KIAA0319: variants seen among roughly 807,000 people sequenced by gnomAD.
KIAA0319 encodes KIAA0319.
KIAA0319 carries 83 observed loss-of-function variants against 108.4 expected under a neutral mutation model. That is an observed-to-expected ratio of 0.77 (90% CI 0.64 to 0.92). KIAA0319 has a LOEUF of 0.92. Ranked by LOEUF, KIAA0319 falls within the 40% of genes least tolerant of loss-of-function variation. The pLI, the probability that KIAA0319 is intolerant of heterozygous loss-of-function variation, is 0.00. For missense variants in KIAA0319, 1,195 were observed against 1,322.4 expected, an observed-to-expected ratio of 0.90 and a Z score of 1.49; for synonymous variants, 484 against 510.4, an observed-to-expected ratio of 0.95 and a Z score of 0.70.
intron 13 of KIAA0319, among the ~76,000 whole-genome samples, chr6:24,567,478 G>A (rs1015841835): frequency 1.2e-4 from 18 of 152,188 alleles, no homozygotes; most frequent in Admixed American, 3.3e-4. Context: ...AAGGCAGGAT[G>A]AGTGCTTGAA....
intron 1 of KIAA0319, among the ~76,000 whole-genome samples, chr6:24,603,332 A>G (rs1770920429): frequency 6.6e-6 from 1 of 152,220 alleles, no homozygotes. Flanking sequence ...GGCAGTCTGG[A>G]CTTGGATCTG....
chr6:24,635,432 C>A (rs754684097), intron 1 of KIAA0319, among the ~76,000 whole-genome samples: 5 of 152,094 alleles, frequency 3.3e-5, no homozygotes, highest in Non-Finnish European at 7.4e-5. Context: ...TAGGACTCAG[C>A]TTTTGGCTTA....
chr6:24,636,760 T>C (rs1272949352), intron 1 of KIAA0319, among the ~76,000 whole-genome samples: 1 of 152,252 alleles, frequency 6.6e-6, no homozygotes, highest in Non-Finnish European at 1.5e-5. Context: ...AAGTTCATCT[T>C]GTTTATGCTC....
chr6:24,595,570 A>AAAAAAAG (rs1769410446), intron 3 of KIAA0319, among the ~76,000 whole-genome samples: 3 of 150,728 alleles, frequency 2.0e-5, no homozygotes, highest in Non-Finnish European at 4.4e-5. Flanking sequence ...AAAAAAAAAA[A>AAAAAAAG]CGCTACAGGC....
intron 6 of KIAA0319, among the ~76,000 whole-genome samples, chr6:24,581,425 G>A (rs537793943): frequency 2.2e-4 from 34 of 152,282 alleles, no homozygotes; most frequent in African/African-American, 7.7e-4. Flanking sequence ...TTAGCTGTGT[G>A]GTCCCAGGAG....
In KIAA0319 at chr6:24,596,052, C is replaced by G; in HGVS notation, c.622G>C (p.Glu208Gln). 6.2e-7 allele frequency: 1 copy of G among 1,614,076 alleles called. No homozygotes were observed. Among genetic ancestry groups the G allele is most frequent in the South Asian group, 1.1e-5 (1 of 91,074 alleles). The stretch of plus-strand genomic sequence containing the variant: ...TGGAGCTCAGGGTCCTGCTGCGTCT[C>G]CGCTGGCACCGCAGGACTGTCTCCA... ...SVGDSPAVPA[E>Q]TQQDPELHYL... is the part of the protein sequence containing the mutation. Residue 208 changes from glutamate (E) to glutamine (Q), a missense_variant, in exon 3 of 21, where the codon GAG becomes CAG. Glu to Gln is a conservative substitution (Grantham distance 29, BLOSUM62 2). Coordinates refer to ENST00000378214, the MANE Select transcript of KIAA0319 (RefSeq NM_014809.4).
At chr6:24,598,360 T>G (rs1219786445) in intron 2 of KIAA0319, 2 of 652,388 alleles carry the variant, frequency 3.1e-6, no homozygotes, top group Non-Finnish European at 5.7e-6. Flanking sequence ...CAACAAGGTA[T>G]GGTTCCTGGA....
At position 24,573,775 on chromosome 6, in the gene KIAA0319, A is replaced by AT. The variant is rs915916803; in HGVS notation, c.1735-1078dup. ...AATTTATTTGAGCTTTTTTATTATT[A>AT]TTTTTTTTAACCACAAGAGGCAATT... is the stretch of plus-strand genomic sequence containing the variant. On this transcript the variant is annotated intron_variant, in intron 10 of 20. Transcript: ENST00000378214. 1.5e-3 allele frequency among the ~76,000 whole-genome samples: 220 copies of AT among 151,644 alleles called. 1 individual carries two copies. Among genetic ancestry groups the AT allele is most frequent in the African/African-American group, 5.0e-3 (206 of 41,084 alleles).
At chr6:24,624,203 GTT>G (rs35622777) in intron 1 of KIAA0319, among the ~76,000 whole-genome samples, 123 of 92,820 alleles carry the variant, frequency 1.3e-3, no homozygotes, top group Middle Eastern at 6.1e-3. Flanking sequence ...TTTTGGGGTT[GTT>G]TTTTTTTTTT....
At chr6:24,598,076 G>T (rs1770008960) in intron 2 of KIAA0319, 3 of 406,294 alleles carry the variant, frequency 7.4e-6, no homozygotes, top group South Asian at 2.3e-5. Flanking sequence ...GCCTTCAGCA[G>T]CCACTCCTAC....
intron 1 of KIAA0319, among the ~76,000 whole-genome samples, chr6:24,630,683 G>GTATATATATATA (rs563881076): frequency 4.0e-4 from 40 of 100,690 alleles, no homozygotes; most frequent in African/African-American, 1.1e-3. Context: ...GTGTATATGT[G>GTATATATATATA]TATATATATA....
At chr6:24,554,451 G>A (rs142184031) in intron 19 of KIAA0319, 90 bp downstream of exon 19, 2 of 896,612 alleles carry the variant, frequency 2.2e-6, no homozygotes, top group Non-Finnish European at 3.7e-6. Context: ...ACAGCTTAGT[G>A]GTTTAACAAG....
intron 2 of KIAA0319, chr6:24,600,811 T>C (rs1188906817): frequency 6.7e-6 from 5 of 748,586 alleles, no homozygotes; most frequent in Non-Finnish European, 1.1e-5. Flanking sequence ...AAAGTTTTCC[T>C]AGTATATATG....
chr6:24,629,720 T>G (rs976432020), intron 1 of KIAA0319, among the ~76,000 whole-genome samples: 2 of 152,020 alleles, frequency 1.3e-5, no homozygotes, highest in African/African-American at 4.8e-5. Flanking sequence ...GCTTTAGATC[T>G]GAGATAAAAT....
chr6:24,632,020 A>G (rs1208039968), intron 1 of KIAA0319, among the ~76,000 whole-genome samples: 1 of 152,248 alleles, frequency 6.6e-6, no homozygotes, highest in Non-Finnish European at 1.5e-5. Context: ...CCATCTTTCA[A>G]TTCTTATCAG....
chr6:24,569,680 C>T (rs1202060391), intron 12 of KIAA0319, among the ~76,000 whole-genome samples: 2 of 152,168 alleles, frequency 1.3e-5, no homozygotes, highest in Non-Finnish European at 2.9e-5. Context: ...ACCAAGACAG[C>T]CCTGTTCAAC....
intron 1 of KIAA0319, among the ~76,000 whole-genome samples, chr6:24,603,644 T>C (rs1285290441): frequency 2.0e-5 from 3 of 151,986 alleles, no homozygotes; most frequent in Non-Finnish European, 4.4e-5. Context: ...AATGTGTAAG[T>C]GTTGTAGGGA....
rs2073687550 is a variant in KIAA0319 at position 24,599,675 on chromosome 6, C to T, written c.55+1374G>A. The T allele has an allele frequency of 6.6e-6, 4 of 609,896 alleles. No individual in the cohort carries two copies. Among genetic ancestry groups the T allele is most frequent in the South Asian group, 1.6e-5 (1 of 63,628 alleles). 37.8% of individuals were successfully genotyped at this position (609,896 alleles called of 1,614,324 possible). Reference sequence around the variant, plus strand: ...GCCTGGGCTCCAGCTTTGGCTCTGGCGGGTGCTCCAGCTCCTTCAGCAGCA... The same window carrying T: ...GCCTGGGCTCCAGCTTTGGCTCTGGTGGGTGCTCCAGCTCCTTCAGCAGCA... On this transcript the variant is annotated intron_variant, in intron 2 of 20. Transcript: ENST00000378214. The surrounding 1 kb of genome is among the most constrained non-coding windows in gnomAD (Gnocchi z 4.1).
At chr6:24,620,765 A>G (rs1012723978) in intron 1 of KIAA0319, among the ~76,000 whole-genome samples, 4 of 152,194 alleles carry the variant, frequency 2.6e-5, no homozygotes, top group African/African-American at 9.6e-5. Flanking sequence ...GAGTATGCTA[A>G]TTCTATTGGA....
Sources: allele counts gnomAD v4.1 joint callset (sites outside exome capture counted in the v4.1 genomes callset), GRCh38; gene constraint gnomAD v4.1.1; non-coding constraint Gnocchi (gnomAD v3.1); transcripts MANE v1.5; gene names NCBI Gene and HGNC (gene_info 2026-07-23, HGNC 2026-07-21).